The following PCGF5 variants were observed in gnomAD, a reference collection of about 807,000 sequenced individuals.
The protein encoded by PCGF5 is polycomb group ring finger 5.
A neutral mutation model predicts 44.3 loss-of-function variants in PCGF5; 9 were observed. The ratio of observed to expected loss-of-function variants is 0.20; its 90% CI spans 0.12 to 0.35. The LOEUF (loss-of-function observed/expected upper bound fraction) is 0.35. Among genes scored for constraint, PCGF5 ranks in the 10% least tolerant of loss-of-function variants. The pLI, the probability that PCGF5 is intolerant of heterozygous loss-of-function variation, is 1.00. For missense variants in PCGF5, 146 were observed against 305.3 expected, an observed-to-expected ratio of 0.48 and a Z score of 3.89; for synonymous variants, 95 against 102.5, an observed-to-expected ratio of 0.93 and a Z score of 0.44.
intron 6 of PCGF5, among the ~76,000 whole-genome samples, chr10:91,260,230 T>C (rs1845863985): frequency 6.6e-6 from 1 of 152,172 alleles, no homozygotes. Context: ...TCACTGGCCA[T>C]CAGAGAAATG....
chr10:91,227,414 G>A (rs1224921119), intron 2 of PCGF5: 10 of 1,289,378 alleles, frequency 7.8e-6, no homozygotes, highest in Non-Finnish European at 1.0e-5. Flanking sequence ...TGATCAAATG[G>A]GATGCCAGCA....
At chr10:91,217,340 C>T (rs879515409), upstream of PCGF5, among the ~76,000 whole-genome samples, 10 of 152,162 alleles carry the variant, frequency 6.6e-5, no homozygotes, top group Non-Finnish European at 1.3e-4. Flanking sequence ...CTGAAAAATT[C>T]ACCTTATTTA....
At chr10:91,276,148 C>T (rs1846307116) in intron 9 of PCGF5, among the ~76,000 whole-genome samples, 1 of 150,150 alleles carries the variant, frequency 6.7e-6, no homozygotes, top group Non-Finnish European at 1.5e-5. Context: ...GAGGAATATA[C>T]ACTAAAATTA....
intron 1 of PCGF5, among the ~76,000 whole-genome samples, chr10:91,184,391 G>A (rs1292761731): frequency 6.6e-6 from 1 of 152,088 alleles, no homozygotes; most frequent in Non-Finnish European, 1.5e-5. Context: ...CTTGTAGTGT[G>A]TTTTTTGTCT....
At position 91,283,374 on chromosome 10, in the gene PCGF5, TTTTAAC is replaced by T. The variant is rs1422104577; in HGVS notation, c.*5064_*5069del. On this transcript the variant is annotated 3_prime_UTR_variant, in exon 10 of 10. Transcript: ENST00000336126. ...AAACTGAGACTGATTTTTCAGAGAT[TTTTAAC>T]TTTAATAATTTTAAATCTAGAATCA... 1 of 152,208 alleles carries T rather than the reference TTTTAAC, an allele frequency of 6.6e-6. No homozygotes were observed. Among genetic ancestry groups the T allele is most frequent in the Admixed American group, 6.5e-5 (1 of 15,268 alleles). The allele number at this position is 152,208 out of a possible 1,614,324, so 9.4% of individuals were successfully genotyped here. A position where few individuals can be genotyped will look rare whatever the true frequency, so the allele number is the denominator to read the frequency against.
intron 2 of PCGF5, among the ~76,000 whole-genome samples, chr10:91,232,557 CA>C (rs1357768684): frequency 8.6e-5 from 13 of 151,958 alleles, no homozygotes. Flanking sequence ...CAGTAGATGG[CA>C]AAAGATGTAA....
chr10:91,270,778 A>T (rs1431881825), intron 8 of PCGF5, among the ~76,000 whole-genome samples: 1 of 152,038 alleles, frequency 6.6e-6, no homozygotes, highest in Non-Finnish European at 1.5e-5. Flanking sequence ...TATGTATTTA[A>T]TTTTTTCCAT....
chr10:91,276,909 C>T (rs1267775102), intron 9 of PCGF5, among the ~76,000 whole-genome samples: 1 of 152,152 alleles, frequency 6.6e-6, no homozygotes, highest in African/African-American at 2.4e-5. Context: ...CAGAAACATC[C>T]AGAGTTTAGT....
intron 3 of PCGF5, among the ~76,000 whole-genome samples, chr10:91,248,056 G>A (rs1422452823): frequency 2.6e-5 from 4 of 152,092 alleles, no homozygotes; most frequent in Admixed American, 6.6e-5. Context: ...CTTCTACGTG[G>A]TCTCTCATCC....
chr10:91,267,404 T>C (rs896098950), intron 8 of PCGF5, among the ~76,000 whole-genome samples: 34 of 152,208 alleles, frequency 2.2e-4, no homozygotes, highest in Middle Eastern at 3.2e-3. Context: ...GTCCTCCAAG[T>C]AAAATATAAT....
intron 1 of PCGF5, among the ~76,000 whole-genome samples, chr10:91,209,187 A>G (rs887851043): frequency 6.6e-6 from 1 of 152,160 alleles, no homozygotes; most frequent in African/African-American, 2.4e-5. Flanking sequence ...ACATAATTTC[A>G]TTTACTCATC....
In PCGF5 at chr10:91,220,679, G is replaced by GT. The variant is rs1426438346; in HGVS notation, c.-340dup. The GT allele has an allele frequency of 3.3e-5, 5 of 151,758 alleles. No homozygotes were observed. Among genetic ancestry groups the GT allele is most frequent in the Non-Finnish European group, 5.9e-5 (4 of 67,866 alleles). 9.4% of individuals were successfully genotyped at this position (151,758 alleles called of 1,614,324 possible). On this transcript the variant is annotated 5_prime_UTR_variant, in exon 1 of 10. Transcript: ENST00000336126. ...CCGCGCCCTGTCGGGCCTGAGCCGA[G>GT]TGGCCCCACAGAGCCGGCGCGCTCC...
intron 8 of PCGF5, among the ~76,000 whole-genome samples, chr10:91,267,797 C>G (rs1846082526): frequency 6.6e-6 from 1 of 152,178 alleles, no homozygotes; most frequent in African/African-American, 2.4e-5. Flanking sequence ...CAGCAAGATG[C>G]CAGGATGTCT....
Position 91,271,713 on chromosome 10 carries a change from G to A in PCGF5, c.723+16G>A. The stretch of plus-strand genomic sequence containing the variant: ...TTTGTATCAGGTAAGAGGCACTCAC[G>A]ACTGTACATATGACCATCATGACAC... On this transcript the variant is annotated intron_variant, in intron 9 of 9. Transcript: ENST00000336126. 4 of 1,604,796 alleles carry A rather than the reference G, an allele frequency of 2.5e-6. No individual in the cohort carries two copies. The highest frequency in any genetic ancestry group is 2.6e-6 in the Non-Finnish European group (3 of 1,171,672).
At chr10:91,272,879 G>A (rs2133454755) in intron 9 of PCGF5, among the ~76,000 whole-genome samples, 1 of 152,282 alleles carries the variant, frequency 6.6e-6, no homozygotes, top group Middle Eastern at 3.4e-3. Flanking sequence ...AAGGATAATT[G>A]TAATTACATA....
intron 9 of PCGF5, among the ~76,000 whole-genome samples, chr10:91,276,010 C>T (rs189774324): frequency 1.5e-3 from 228 of 151,306 alleles, no homozygotes; most frequent in African/African-American, 5.2e-3. Context: ...TATGTAGCAC[C>T]GTACCAAATG....
In PCGF5 at chr10:91,192,647, G is replaced by A. The variant is rs190139643; in HGVS notation, c.-184+29566G>A. ...AAACAATGATTCTTGATCTAATGGA[G>A]TCTGTTTTCTATCAGGAAACGACAT... On this transcript the variant is annotated intron_variant, in intron 1 of 9. Coordinates refer to the PCGF5 transcript ENST00000614189. 1.5e-3 allele frequency among the ~76,000 whole-genome samples: 223 copies of A among 152,332 alleles called. 2 individuals are homozygous for A. The highest frequency in any genetic ancestry group is 2.6e-3 in the Non-Finnish European group (177 of 68,034).
chr10:91,158,486 TCAA>T (rs1843345448), upstream of PCGF5, among the ~76,000 whole-genome samples: 1 of 152,136 alleles, frequency 6.6e-6, no homozygotes, highest in African/African-American at 2.4e-5. Flanking sequence ...GTCAGTCAGT[TCAA>T]CAACATGTGG....
chr10:91,225,436 A>T (rs1441581369), intron 2 of PCGF5, among the ~76,000 whole-genome samples: 1 of 151,514 alleles, frequency 6.6e-6, no homozygotes, highest in African/African-American at 2.4e-5. Context: ...TTACTGAGAG[A>T]GAATGAACAT....
Sources: allele counts gnomAD v4.1 joint callset (sites outside exome capture counted in the v4.1 genomes callset), GRCh38; gene constraint gnomAD v4.1.1; transcripts MANE v1.5; gene names NCBI Gene and HGNC (gene_info 2026-07-23, HGNC 2026-07-21).